The following BPGM variants were observed in gnomAD, a reference collection of about 807,000 sequenced individuals.
The protein encoded by BPGM is bisphosphoglycerate mutase.
In BPGM, 15 loss-of-function variants were observed where a neutral mutation model predicts 21.6. That is an observed-to-expected ratio of 0.70 (90% CI 0.47 to 1.07). BPGM has a LOEUF of 1.07. Among genes scored for constraint, BPGM ranks in the 50% least tolerant of loss-of-function variants. The pLI, the probability that BPGM is intolerant of heterozygous loss-of-function variation, is 0.00. For synonymous variants in BPGM, 113 were observed against 116.2 expected (o/e 0.97, Z 0.18); for missense variants, 273 against 319.0 (o/e 0.86, Z 1.10).
chr7:134,675,293 T>C (rs1795967362), intron 2 of BPGM, among the ~76,000 whole-genome samples: 1 of 152,178 alleles, frequency 6.6e-6, no homozygotes, highest in Non-Finnish European at 1.5e-5. Context: ...TGTATGCTTT[T>C]GGTGTCATAT....
intron 2 of BPGM, among the ~76,000 whole-genome samples, chr7:134,666,100 G>A (rs932509963): frequency 1.1e-4 from 16 of 151,892 alleles, no homozygotes; most frequent in African/African-American, 3.9e-4. Flanking sequence ...GGCAGGTCTC[G>A]AACTCCTGGC....
chr7:134,647,092 C>G (rs997093104), intron 1 of BPGM, 155 bp downstream of exon 1: 2 of 153,220 alleles, frequency 1.3e-5, no homozygotes, highest in African/African-American at 4.8e-5. Context: ...AAGCTGGGAC[C>G]CTCACTTATC....
chr7:134,667,503 T>C (rs1265459107), intron 2 of BPGM, among the ~76,000 whole-genome samples: 1 of 151,950 alleles, frequency 6.6e-6, no homozygotes, highest in African/African-American at 2.4e-5. Context: ...TGCCTAGGCT[T>C]GAGATCAGCC....
At chr7:134,658,672 A>G (rs956365785) in intron 1 of BPGM, 8 of 152,250 alleles carry the variant, frequency 5.3e-5, no homozygotes, top group Non-Finnish European at 1.0e-4. Flanking sequence ...TTTCTTTGTA[A>G]GTATCCAGCA....
chr7:134,679,129 G>GC lies in BPGM; in HGVS notation c.*99dup, dbSNP rs568558119. The GC allele has an allele frequency of 8.9e-5, 125 of 1,403,784 alleles. 1 individual carries two copies. The South Asian group carries it at 1.5e-3, about 16-fold the overall frequency. 87.0% of individuals were successfully genotyped at this position (1,403,784 alleles called of 1,614,324 possible). A position where few individuals can be genotyped will look rare whatever the true frequency, so the allele number is the denominator to read the frequency against. ...CTCTCTTTTTCCCCGATTTTCCAGA[G>GC]CTAGGCTGTGGAGTAGAGTTTGTAT... On this transcript the variant is annotated 3_prime_UTR_variant, in exon 3 of 3. Coordinates refer to ENST00000344924, the MANE Select transcript of BPGM (RefSeq NM_001724.5).
intron 1 of BPGM, among the ~76,000 whole-genome samples, chr7:134,652,269 A>G (rs931401880): frequency 2.0e-5 from 3 of 152,242 alleles, no homozygotes; most frequent in Non-Finnish European, 2.9e-5. Context: ...TGTGGGATCC[A>G]GCTAGGCCAA....
intron 2 of BPGM, among the ~76,000 whole-genome samples, chr7:134,672,265 CTTAAAGACTTTAACACA>C (rs2131456010): frequency 6.6e-6 from 1 of 151,210 alleles, no homozygotes; most frequent in Admixed American, 6.6e-5. Flanking sequence ...TTAACACAGA[CTTAAAGACTTTAACACA>C]GACTTAAAGA....
At chr7:134,648,438 T>C (rs570140530) in intron 1 of BPGM, among the ~76,000 whole-genome samples, 270 of 151,334 alleles carry the variant, frequency 1.8e-3, no homozygotes, top group African/African-American at 6.3e-3. Context: ...CCCGGCCTTC[T>C]TTTTTTTTGA....
intron 2 of BPGM, among the ~76,000 whole-genome samples, chr7:134,666,072 G>A (rs981458253): frequency 6.6e-6 from 1 of 151,756 alleles, no homozygotes; most frequent in South Asian, 2.1e-4. Flanking sequence ...TAGAGATGGG[G>A]TTTTGCCACG....
rs190681045 is a variant in BPGM, at chr7:134,661,894, T to C, written c.387T>C (p.Ser129=). 22 of 1,611,304 alleles carry C rather than the reference T, an allele frequency of 1.4e-5. No individual in the cohort carries two copies. The highest frequency in any genetic ancestry group is 1.9e-5 in the Non-Finnish European group (22 of 1,177,954). ...TAACCCCGCCTCCCATTGAGGAGTC[T>C]CATCCTTACTACCAAGAAATCTACA... The part of the protein sequence containing the change: ...YNVTPPPIEE[S]HPYYQEIYND... The change falls in exon 2 of 3, where the codon TCT becomes TCC. Residue 129 remains serine, a synonymous_variant. Coordinates refer to ENST00000344924, the MANE Select transcript of BPGM (RefSeq NM_001724.5). The surrounding 1 kb of genome is among the most constrained non-coding windows in gnomAD (Gnocchi z 4.6).
intron 2 of BPGM, among the ~76,000 whole-genome samples, chr7:134,672,265 C>T (rs1379981199): frequency 1.3e-5 from 2 of 151,096 alleles, no homozygotes; most frequent in Admixed American, 1.3e-4. Context: ...TTAACACAGA[C>T]TTAAAGACTT....
In BPGM at chr7:134,679,153, A is replaced by G; in HGVS notation, c.*122A>G. 6 of 1,128,182 alleles carry G rather than the reference A, an allele frequency of 5.3e-6. No homozygotes were observed. The highest frequency in any genetic ancestry group is 2.5e-5 in the East Asian group (1 of 39,284). The allele number at this position is 1,128,182 out of a possible 1,614,324, so 69.9% of individuals were successfully genotyped here. A position where few individuals can be genotyped will look rare whatever the true frequency, so the allele number is the denominator to read the frequency against. On this transcript the variant is annotated 3_prime_UTR_variant, in exon 3 of 3. Transcript: ENST00000344924. ...AGCTAGGCTGTGGAGTAGAGTTTGTATAGGTAACTAGGTAACTTATTGTGG... is the reference window on the plus strand; with the variant it reads ...AGCTAGGCTGTGGAGTAGAGTTTGTGTAGGTAACTAGGTAACTTATTGTGG...
intron 2 of BPGM, among the ~76,000 whole-genome samples, chr7:134,668,502 C>G (rs751573433): frequency 6.6e-6 from 1 of 152,188 alleles, no homozygotes; most frequent in South Asian, 2.1e-4. Flanking sequence ...GAATGGCACA[C>G]TCTAGCATAG....
In BPGM at chr7:134,675,472, A is replaced by T. The variant is rs1180919304; in HGVS notation, c.602-3381A>T. Among the ~76,000 whole-genome samples the T allele has an allele frequency of 9.9e-5, 15 of 152,252 alleles. No homozygotes were observed. The South Asian group carries it at 2.9e-3, about 29-fold the overall frequency. Reference sequence around the variant, plus strand: ...CAACTTCATTCTTTCACATATGGATATACAGTTATCCCAGTACTATTTGTT... The same window carrying T: ...CAACTTCATTCTTTCACATATGGATTTACAGTTATCCCAGTACTATTTGTT... On this transcript the variant is annotated intron_variant, in intron 2 of 2. Transcript: ENST00000344924.
intron 2 of BPGM, among the ~76,000 whole-genome samples, chr7:134,663,994 G>A (rs768033847): frequency 2.0e-5 from 3 of 152,170 alleles, no homozygotes; most frequent in African/African-American, 7.2e-5. Context: ...TACATGTAGA[G>A]GTTGTGTTTA....
chr7:134,669,782 GACAT>G (rs1461376321), intron 2 of BPGM, among the ~76,000 whole-genome samples: 1 of 152,082 alleles, frequency 6.6e-6, no homozygotes, highest in Admixed American at 6.6e-5. Flanking sequence ...GTCAAAACAA[GACAT>G]ACAGAATATT....
chr7:134,648,445 T>C (rs112279500), intron 1 of BPGM, among the ~76,000 whole-genome samples: 1,570 of 152,264 alleles, frequency 0.01, 28 homozygotes, highest in African/African-American at 0.036. Context: ...TTCTTTTTTT[T>C]TGAACTGCCT....
chr7:134,654,763 G>C (rs1388559432), intron 1 of BPGM, among the ~76,000 whole-genome samples: 8 of 152,104 alleles, frequency 5.3e-5, no homozygotes, highest in Admixed American at 2.0e-4. Flanking sequence ...CTGTTTTAGA[G>C]AAGTCATGAG....
At chr7:134,650,953 T>G (rs189050884) in intron 1 of BPGM, among the ~76,000 whole-genome samples, 3 of 152,228 alleles carry the variant, frequency 2.0e-5, no homozygotes, top group Non-Finnish European at 4.4e-5. Context: ...CTTAAGGAAC[T>G]GAGCCCCAGA....
Sources: allele counts gnomAD v4.1 joint callset (sites outside exome capture counted in the v4.1 genomes callset), GRCh38; gene constraint gnomAD v4.1.1; non-coding constraint Gnocchi (gnomAD v3.1); transcripts MANE v1.5; gene names NCBI Gene and HGNC (gene_info 2026-07-23, HGNC 2026-07-21).